The following PTX3 variants were observed in gnomAD, a reference collection of about 807,000 sequenced individuals.
PTX3 encodes pentraxin 3.
In PTX3, 24 loss-of-function variants were observed where a neutral mutation model predicts 23.5. The ratio of observed to expected loss-of-function variants is 1.02; its 90% CI spans 0.74 to 1.43. The LOEUF (loss-of-function observed/expected upper bound fraction) is 1.43. PTX3 is among the 40% of genes most tolerant of loss of function. The pLI is 0.00. For synonymous variants in PTX3, 218 were observed against 205.4 expected, an observed-to-expected ratio of 1.06 and a Z score of -0.53; for missense variants, 510 against 497.5, an observed-to-expected ratio of 1.02 and a Z score of -0.24.
At position 157,442,875 on chromosome 3, in the gene PTX3, A is replaced by G. The variant is rs373203093; in HGVS notation, c.1042A>G (p.Ile348Val). ...IWDSVLSNEE[I>V]RETGGAESCH... ...GGATAGTGTTCTTAGCAATGAAGAG[A>G]TAAGAGAGACCGGAGGAGCAGAGTC... is the stretch of plus-strand genomic sequence containing the variant. The change falls in exon 3 of 3, where the codon ATA (isoleucine) becomes GTA (valine). Residue 348 changes from isoleucine to valine, a missense_variant. Physicochemically the swap from Ile to Val is conservative, Grantham distance 29. Coordinates refer to ENST00000295927, the MANE Select transcript of PTX3 (RefSeq NM_002852.4). The G allele has an allele frequency of 5.6e-6, 9 of 1,614,080 alleles. No homozygotes were observed. In the African/African-American group the frequency reaches 6.7e-5, roughly 12 times the overall value.
In PTX3 at chr3:157,436,937, C is replaced by T; in HGVS notation, c.4C>T (p.His2Tyr). The change falls in exon 1 of 3, where the codon CAT becomes TAT. Residue 2 changes from histidine to tyrosine, a missense_variant. By Grantham distance (83) the His-to-Tyr change is moderately conservative (BLOSUM62 2). Transcript: ENST00000295927. MHLLAILFCALW... is the reference protein window; with the variant it reads MYLLAILFCALW... ...AGAACTTTGCGTCTCTCCAGCAATG[C>T]ATCTCCTTGCGATTCTGTTTTGTGC... 6.2e-7 allele frequency: 1 copy of T among 1,613,410 alleles called. No homozygotes were observed.
At position 157,436,891 on chromosome 3, in the gene PTX3, C is replaced by G. The variant is rs768891166; in HGVS notation, c.-43C>G. 6.2e-7 allele frequency: 1 copy of G among 1,602,166 alleles called. No individual in the cohort carries two copies. Among genetic ancestry groups the G allele is most frequent in the South Asian group, 1.1e-5 (1 of 90,010 alleles). On this transcript the variant is annotated 5_prime_UTR_variant, in exon 1 of 3. Transcript: ENST00000295927. ...GCTCAAACTCAGCTCACTTGAGAGT[C>G]TCCTCCCGCCAGCTGTGGAAAGAAC...
intron 2 of PTX3, among the ~76,000 whole-genome samples, 158 bp downstream of exon 2, chr3:157,438,072 C>G (rs1733810630): frequency 6.6e-6 from 1 of 150,598 alleles, no homozygotes; most frequent in Admixed American, 6.6e-5. Flanking sequence ...CACACACACA[C>G]CCCTATTTCT....
At chr3:157,442,207 G>T (rs907731666) in intron 2 of PTX3, among the ~76,000 whole-genome samples, 159 bp from the exon 3 acceptor site, 64 of 152,000 alleles carry the variant, frequency 4.2e-4, no homozygotes, top group African/African-American at 1.4e-3. Flanking sequence ...TCTTTGCTCT[G>T]CAGAGATTAC....
At chr3:157,438,494 AATT>A (rs1733853738) in intron 2 of PTX3, among the ~76,000 whole-genome samples, 1 of 152,154 alleles carries the variant, frequency 6.6e-6, no homozygotes, top group Non-Finnish European at 1.5e-5. Flanking sequence ...GGGTCAGCGG[AATT>A]CTTCAGGGGT....
In PTX3 at chr3:157,442,835, A is replaced by G. The variant is rs750897675; in HGVS notation, c.1002A>G (p.Thr334=). 6.2e-7 allele frequency: 1 copy of G among 1,614,118 alleles called. No homozygotes were observed. Among genetic ancestry groups the G allele is most frequent in the African/African-American group, 1.3e-5 (1 of 74,934 alleles). Residue 334 remains threonine, a synonymous_variant, in exon 3 of 3, where the codon ACA becomes ACG. Coordinates refer to ENST00000295927, the MANE Select transcript of PTX3 (RefSeq NM_002852.4). ...DETLAFSGRL[T]GFNIWDSVLS... is the part of the protein sequence containing the mutation. ...CATTAGCCTTCTCTGGGAGACTCAC[A>G]GGCTTCAATATCTGGGATAGTGTTC...
Position 157,437,910 on chromosome 3 carries a change from G to T in PTX3, c.528G>T (p.Pro176=). 1.3e-6 allele frequency: 2 copies of T among 1,524,742 alleles called. No homozygotes were observed. The highest frequency in any genetic ancestry group is 2.5e-5 in the East Asian group (1 of 39,314). 94.5% of individuals were successfully genotyped at this position (1,524,742 alleles called of 1,614,324 possible). ...VQGWAARSWL[P]AGCETAILFP... Reference sequence around the variant, plus strand: ...GCTGGGCTGCCCGGAGCTGGCTGCCGGCAGGTAAGGAGGCAAGCGGGGCCG... The same window carrying T: ...GCTGGGCTGCCCGGAGCTGGCTGCCTGCAGGTAAGGAGGCAAGCGGGGCCG... The change falls in exon 2 of 3, where the codon CCG becomes CCT. Residue 176 remains proline, a synonymous_variant. Coordinates refer to ENST00000295927, the MANE Select transcript of PTX3 (RefSeq NM_002852.4).
chr3:157,442,872 G>A lies in PTX3; in HGVS notation c.1039G>A (p.Glu347Lys). ...NIWDSVLSNE[E>K]IRETGGAESC... ...CTGGGATAGTGTTCTTAGCAATGAA[G>A]AGATAAGAGAGACCGGAGGAGCAGA... The change falls in exon 3 of 3, where the codon GAG (glutamate) becomes AAG (lysine). Residue 347 changes from glutamate (E) to lysine (K), a missense_variant. Transcript: ENST00000295927. 6.2e-7 allele frequency: 1 copy of A among 1,614,240 alleles called. No individual in the cohort carries two copies. The highest frequency in any genetic ancestry group is 8.5e-7 in the Non-Finnish European group (1 of 1,180,028).
chr3:157,440,146 T>G (rs571380729), intron 2 of PTX3, among the ~76,000 whole-genome samples: 1 of 152,236 alleles, frequency 6.6e-6, no homozygotes, highest in Non-Finnish European at 1.5e-5. Context: ...GAAGAAAAGA[T>G]GTACCTAGCA....
In PTX3 at chr3:157,437,888, G is replaced by A. The variant is rs1198056280; in HGVS notation, c.506G>A (p.Trp169Ter). The A allele has an allele frequency of 2.6e-6, 4 of 1,520,214 alleles. No individual in the cohort carries two copies. Among genetic ancestry groups the A allele is most frequent in the Non-Finnish European group, 3.5e-6 (4 of 1,141,554 alleles). 94.2% of individuals were successfully genotyped at this position (1,520,214 alleles called of 1,614,324 possible). Residue 169 changes from tryptophan to a stop codon, truncating the protein, a stop_gained, in exon 2 of 3, where the codon TGG becomes TAG. Coordinates refer to ENST00000295927, the MANE Select transcript of PTX3 (RefSeq NM_002852.4). LOFTEE classifies it high-confidence loss of function. ...TRADLHAVQG[W>*]AARSWLPAGC... Reference sequence around the variant, plus strand: ...GCCGACCTGCACGCGGTGCAGGGCTGGGCTGCCCGGAGCTGGCTGCCGGCA... The same window carrying A: ...GCCGACCTGCACGCGGTGCAGGGCTAGGCTGCCCGGAGCTGGCTGCCGGCA...
rs748940660 is a variant in PTX3 at position 157,437,681 on chromosome 3, C to A, written c.299C>A (p.Ala100Glu). 6 of 1,534,630 alleles carry A rather than the reference C, an allele frequency of 3.9e-6. No individual in the cohort carries two copies. The East Asian group carries it at 1.2e-4, about 31-fold the overall frequency. The change falls in exon 2 of 3, where the codon GCG becomes GAG. Residue 100 changes from alanine (A) to glutamate (E), a missense_variant. Ala to Glu is a moderately radical substitution (Grantham distance 107). Transcript: ENST00000295927. The part of the protein sequence containing the change: ...EELGRLAESL[A>E]RPCAPGAPAE... Reference sequence around the variant, plus strand: ...CTGGGCCGGCTCGCGGAAAGCCTGGCGAGGCCGTGCGCGCCGGGGGCTCCC... The same window carrying A: ...CTGGGCCGGCTCGCGGAAAGCCTGGAGAGGCCGTGCGCGCCGGGGGCTCCC...
Position 157,436,986 on chromosome 3 carries a change from A to G in PTX3, c.53A>G (p.Glu18Gly). ...GCTCTCTGGTCTGCAGTGTTGGCCG[A>G]GAACTCGGATGATTATGATCTCATG... Reference protein sequence around the residue: ...FCALWSAVLAENSDDYDLMYV... With the variant: ...FCALWSAVLAGNSDDYDLMYV... Residue 18 changes from glutamate (E) to glycine (G), a missense_variant, in exon 1 of 3, where the codon GAG (glutamate) becomes GGG (glycine). Coordinates refer to ENST00000295927, the MANE Select transcript of PTX3 (RefSeq NM_002852.4). The G allele has an allele frequency of 6.2e-7, 1 of 1,614,084 alleles. No individual in the cohort carries two copies. Among genetic ancestry groups the G allele is most frequent in the Non-Finnish European group, 8.5e-7 (1 of 1,179,962 alleles).
chr3:157,443,162 A>G lies in PTX3; in HGVS notation c.*183A>G. ...TAAACAGTTGAAGGAAAGACATTGGAAAAAGCTTTTGAGGATAATGTTACT... is the reference window on the plus strand; with the variant it reads ...TAAACAGTTGAAGGAAAGACATTGGGAAAAGCTTTTGAGGATAATGTTACT... On this transcript the variant is annotated 3_prime_UTR_variant, in exon 3 of 3. Coordinates refer to ENST00000295927, the MANE Select transcript of PTX3 (RefSeq NM_002852.4). The G allele has an allele frequency of 1.4e-6, 1 of 691,230 alleles. No individual in the cohort carries two copies. Among genetic ancestry groups the G allele is most frequent in the Non-Finnish European group, 2.3e-6 (1 of 442,566 alleles). 42.8% of individuals were successfully genotyped at this position (691,230 alleles called of 1,614,324 possible).
chr3:157,441,626 G>GGT (rs1201282751), intron 2 of PTX3, among the ~76,000 whole-genome samples: 2 of 151,938 alleles, frequency 1.3e-5, no homozygotes, highest in Non-Finnish European at 2.9e-5. Flanking sequence ...TGGCCAACAT[G>GGT]GTGAAACCCC....
At chr3:157,440,146 T>C (rs571380729) in intron 2 of PTX3, among the ~76,000 whole-genome samples, 1 of 152,354 alleles carries the variant, frequency 6.6e-6, no homozygotes, top group Non-Finnish European at 1.5e-5. Context: ...GAAGAAAAGA[T>C]GTACCTAGCA....
At chr3:157,440,541 C>A (rs1021260204) in intron 2 of PTX3, among the ~76,000 whole-genome samples, 6 of 152,006 alleles carry the variant, frequency 3.9e-5, no homozygotes, top group South Asian at 2.1e-4. Flanking sequence ...GGTTGTTATA[C>A]CTGCCCTAAT....
Position 157,443,072 on chromosome 3 carries a change from A to G in PTX3, c.*93A>G. 7.2e-7 allele frequency: 1 copy of G among 1,393,410 alleles called. No homozygotes were observed. Among genetic ancestry groups the G allele is most frequent in the Non-Finnish European group, 9.7e-7 (1 of 1,031,740 alleles). The allele number at this position is 1,393,410 out of a possible 1,614,324, so 86.3% of individuals were successfully genotyped here. On this transcript the variant is annotated 3_prime_UTR_variant, in exon 3 of 3. Transcript: ENST00000295927. ...GTCTGAAAACTCAGTGCATAATAGGAACACTTGAGACTAATGAAAGAGAGA... is the reference window on the plus strand; with the variant it reads ...GTCTGAAAACTCAGTGCATAATAGGGACACTTGAGACTAATGAAAGAGAGA...
Position 157,437,530 on chromosome 3 carries a change from G to C in PTX3, c.148G>C (p.Gly50Arg), listed in dbSNP as rs776574922. Residue 50 changes from glycine to arginine, a missense_variant, in exon 2 of 3, where the codon GGT becomes CGT. By Grantham distance (125) the Gly-to-Arg change is moderately radical. Transcript: ENST00000295927. ...TACTCTAGCCACGCCGTGCGCCTGC[G>C]GTCAGGAGCACTCGGAATGGGACAA... is the stretch of plus-strand genomic sequence containing the variant. The part of the protein sequence containing the change: ...PTEDPTPCAC[G>R]QEHSEWDKLF... 2.5e-6 allele frequency: 4 copies of C among 1,605,952 alleles called. No homozygotes were observed. Among genetic ancestry groups the C allele is most frequent in the East Asian group, 2.2e-5 (1 of 44,458 alleles).
rs559209370 is a variant in PTX3 at position 157,443,145 on chromosome 3, T to A, written c.*166T>A. The A allele has an allele frequency of 1.3e-6, 1 of 786,424 alleles. No individual in the cohort carries two copies. The highest frequency in any genetic ancestry group is 1.7e-5 in the African/African-American group (1 of 57,692). 48.7% of individuals were successfully genotyped at this position (786,424 alleles called of 1,614,324 possible). On this transcript the variant is annotated 3_prime_UTR_variant, in exon 3 of 3. Coordinates refer to ENST00000295927, the MANE Select transcript of PTX3 (RefSeq NM_002852.4). ...ACTGGCCAAATACTGAATAAACAGT[T>A]GAAGGAAAGACATTGGAAAAAGCTT...
Sources: gnomAD v4.1 joint callset for allele counts (sites outside exome capture counted in the v4.1 genomes callset) on GRCh38, gnomAD v4.1.1 for gene constraint, MANE v1.5 for transcripts, NCBI Gene and HGNC (gene_info 2026-07-23, HGNC 2026-07-21) for gene names.